The following ZNF577 variants were observed in gnomAD, a reference collection of about 807,000 sequenced individuals.
ZNF577 encodes zinc finger protein 577.
Under a neutral mutation model 13.9 loss-of-function variants are expected in ZNF577, and 14 were observed. The ratio of observed to expected loss-of-function variants is 1.00; its 90% CI spans 0.66 to 1.57. The LOEUF (loss-of-function observed/expected upper bound fraction) is 1.57, where lower values mean the gene tolerates loss of function less well. Among genes scored for constraint, ZNF577 ranks in the 40% most tolerant of loss-of-function variants. The pLI is 0.00. For missense variants in ZNF577, 555 were observed against 579.2 expected (o/e 0.96, Z 0.43); for synonymous variants, 203 against 202.9 (o/e 1.00, Z 0.00).
chr19:51,875,363 CAAAAA>C (rs538987406), intron 5 of ZNF577, among the ~76,000 whole-genome samples: 14 of 63,784 alleles, frequency 2.2e-4, no homozygotes, highest in South Asian at 4.4e-4. Flanking sequence ...AACTCTGTCA[CAAAAA>C]AAAAAAAAAA....
In ZNF577 at chr19:51,877,317, A is replaced by C. The variant is rs200541521; in HGVS notation, c.248T>G (p.Ile83Arg). 3.9e-5 allele frequency: 63 copies of C among 1,613,994 alleles called. No individual in the cohort carries two copies. The highest frequency in any genetic ancestry group is 5.2e-5 in the Non-Finnish European group (61 of 1,180,006). Reference protein sequence around the residue: ...FKLEQGEPPGIAEGAAHSQIC... With the variant: ...FKLEQGEPPGRAEGAAHSQIC... ...TTGACTGTGGGCTGCTCCTTCTGCT[A>C]TCCCTGGGGGTTCTCCTTGCTCCAA... Residue 83 changes from isoleucine (I) to arginine (R), a missense_variant, in exon 5 of 6, where the codon ATA becomes AGA. Ile to Arg is a moderately conservative substitution (Grantham distance 97, BLOSUM62 -3). Coordinates refer to ENST00000638348, the MANE Select transcript of ZNF577 (RefSeq NM_001370449.1).
chr19:51,809,213 A>G (rs4801896), intron 10 of ZNF577, among the ~76,000 whole-genome samples: 14,120 of 152,292 alleles, frequency 0.093, 676 homozygotes, highest in South Asian at 0.18. Flanking sequence ...TATTTTCAAC[A>G]TAAGACTGAA....
At chr19:51,823,705 C>G (rs752516033) in intron 9 of ZNF577, 2 of 1,478,026 alleles carry the variant, frequency 1.4e-6, no homozygotes, top group South Asian at 2.6e-5. Flanking sequence ...GATGGTGTCA[C>G]AGCTGAGAAA....
intron 1 of ZNF577, among the ~76,000 whole-genome samples, chr19:51,885,772 T>C (rs1378170665): frequency 6.6e-6 from 1 of 152,198 alleles, no homozygotes; most frequent in Non-Finnish European, 1.5e-5. Context: ...CCTCCCAAAG[T>C]GCTGGGATTA....
intron 1 of ZNF577, among the ~76,000 whole-genome samples, chr19:51,881,977 C>G (rs2084868347): frequency 6.6e-6 from 1 of 152,160 alleles, no homozygotes; most frequent in African/African-American, 2.4e-5. Flanking sequence ...ACCCAGAGAG[C>G]TGATCTCCAA....
rs1353861142 is a variant in ZNF577 at position 51,868,975 on chromosome 19, C to G, written c.*3557G>C. 6.6e-6 allele frequency among the ~76,000 whole-genome samples: 1 copy of G among 152,160 alleles called. No homozygotes were observed. On this transcript the variant is annotated 3_prime_UTR_variant, in exon 6 of 6. Transcript: ENST00000638348. ...AAAAGTCATCACCATTCTCCAGTCT[C>G]GAGTACCCAGGGACACAATGCACTG...
intron 3 of ZNF577, among the ~76,000 whole-genome samples, chr19:51,879,263 A>AG (rs1491278422): frequency 7.7e-6 from 1 of 129,154 alleles, no homozygotes; most frequent in African/African-American, 3.4e-5. Context: ...TCTCAAGAGG[A>AG]AAAAAAAAAA....
chr19:51,804,638 T>C (rs945303018), downstream of ZNF577, among the ~76,000 whole-genome samples: 3 of 152,112 alleles, frequency 2.0e-5, no homozygotes, highest in African/African-American at 7.2e-5. Context: ...AATGCTCAAA[T>C]TGACAAAAAT....
chr19:51,879,447 T>C lies in ZNF577; in HGVS notation c.60+876A>G, dbSNP rs530900223. ...AGCAGGGTGTGGTGGCACGCACCTGTAATCCCAGTTACTCAGGAGGCTGAG... is the reference window on the plus strand; with the variant it reads ...AGCAGGGTGTGGTGGCACGCACCTGCAATCCCAGTTACTCAGGAGGCTGAG... On this transcript the variant is annotated intron_variant, in intron 3 of 5. Transcript: ENST00000638348. Among the ~76,000 whole-genome samples the C allele has an allele frequency of 2.0e-5, 3 of 151,238 alleles. No homozygotes were observed. The East Asian group carries it at 5.9e-4, about 30-fold the overall frequency.
At chr19:51,860,004 T>A (rs1050446340) in intron 5 of ZNF577, among the ~76,000 whole-genome samples, 1 of 152,118 alleles carries the variant, frequency 6.6e-6, no homozygotes. Context: ...TATTTGACAA[T>A]GAAATGTCTA....
intron 3 of ZNF577, among the ~76,000 whole-genome samples, chr19:51,879,975 C>T (rs1469734737): frequency 2.0e-5 from 3 of 152,156 alleles, no homozygotes; most frequent in African/African-American, 7.2e-5. Context: ...TGTTAATTGT[C>T]TCCTGCTGTC....
intron 1 of ZNF577, chr19:51,886,191 G>C (rs971688076): frequency 6.6e-6 from 1 of 151,886 alleles, no homozygotes; most frequent in Non-Finnish European, 1.5e-5. Context: ...TGATTTTCAA[G>C]TATAATCACT....
At chr19:51,860,854 T>C in intron 5 of ZNF577, 1 of 371,276 alleles carries the variant, frequency 2.7e-6, no homozygotes, top group Admixed American at 4.3e-5. Context: ...GAGATTTCTC[T>C]CGTAAACAAG....
At chr19:51,877,077 C>A (rs1256157164) in intron 5 of ZNF577, among the ~76,000 whole-genome samples, 2 of 152,026 alleles carry the variant, frequency 1.3e-5, no homozygotes, top group Non-Finnish European at 2.9e-5. Flanking sequence ...GAAATCAGAT[C>A]CAGAAAATAG....
chr19:51,836,522 C>T (rs984022243), intron 9 of ZNF577, among the ~76,000 whole-genome samples: 6 of 152,268 alleles, frequency 3.9e-5, no homozygotes, highest in Admixed American at 1.3e-4. Context: ...TGAAAAACGT[C>T]TATTCATGTC....
chr19:51,883,456 C>G (rs1267770436), intron 1 of ZNF577, among the ~76,000 whole-genome samples: 1 of 152,038 alleles, frequency 6.6e-6, no homozygotes, highest in Non-Finnish European at 1.5e-5. Context: ...TGTTCTCTAC[C>G]TACCCAACTC....
intron 5 of ZNF577, chr19:51,861,790 A>G (rs2084505820): frequency 6.6e-6 from 1 of 152,604 alleles, no homozygotes; most frequent in Non-Finnish European, 1.5e-5. Flanking sequence ...CTTTCTTACA[A>G]TCACTGCATT....
At chr19:51,857,071 C>T (rs1410539556) in intron 5 of ZNF577, among the ~76,000 whole-genome samples, 1 of 151,998 alleles carries the variant, frequency 6.6e-6, no homozygotes, top group Non-Finnish European at 1.5e-5. Flanking sequence ...GAGGCCGAGG[C>T]AGGCGGAACA....
chr19:51,866,032 T>C (rs1245864959), downstream of ZNF577, among the ~76,000 whole-genome samples: 3 of 151,962 alleles, frequency 2.0e-5, no homozygotes, highest in African/African-American at 7.3e-5. Context: ...GGAGAATTGC[T>C]TGAACTCGGG....
Sources: allele counts gnomAD v4.1 joint callset (sites outside exome capture counted in the v4.1 genomes callset), GRCh38; gene constraint gnomAD v4.1.1; transcripts MANE v1.5; gene names NCBI Gene and HGNC (gene_info 2026-07-23, HGNC 2026-07-21).